The following DDR2 variants were observed in gnomAD, a reference collection of about 807,000 sequenced individuals.
DDR2 encodes discoidin domain-containing receptor 2.
DDR2 carries 27 observed loss-of-function variants against 94.9 expected under a neutral mutation model. That is an observed-to-expected ratio of 0.28 (90% CI 0.21 to 0.39). The LOEUF is 0.39. Among genes scored for constraint, DDR2 ranks in the 10% least tolerant of loss-of-function variants. DDR2 has a pLI of 1.00. For missense variants in DDR2, 783 were observed against 1,076.0 expected (o/e 0.73, Z 3.81); for synonymous variants, 382 against 377.2 (o/e 1.01, Z -0.15).
chr1:162,735,335 AT>A (rs1171958184), intron 3 of DDR2, among the ~76,000 whole-genome samples: 2 of 152,162 alleles, frequency 1.3e-5, no homozygotes, highest in Non-Finnish European at 2.9e-5. Flanking sequence ...GTAACAAGTT[AT>A]TTACATGAAA....
In DDR2 at chr1:162,787,243, C is replaced by T. The variant is rs1233232159; in HGVS notation, c.*6997C>T. 1 of 151,798 alleles carries T rather than the reference C, an allele frequency of 6.6e-6. No individual in the cohort carries two copies. Among genetic ancestry groups the T allele is most frequent in the African/African-American group, 2.4e-5 (1 of 41,270 alleles). 9.4% of individuals were successfully genotyped at this position (151,798 alleles called of 1,614,324 possible). A position where few individuals can be genotyped will look rare whatever the true frequency, so the allele number is the denominator to read the frequency against. On this transcript the variant is annotated 3_prime_UTR_variant, in exon 18 of 18. Coordinates refer to ENST00000367921, the MANE Select transcript of DDR2 (RefSeq NM_006182.4). ...ATTGTTCTTCTGATTTCCAGGAGAA[C>T]AGAATGAGCCCATGCAAAACATAAA...
rs1647907113 is a variant in DDR2, at chr1:162,781,546, G to T, written c.*1300G>T. On this transcript the variant is annotated 3_prime_UTR_variant, in exon 18 of 18. Coordinates refer to ENST00000367921, the MANE Select transcript of DDR2 (RefSeq NM_006182.4). ...TCAAACACAAAGTGGATGGTGGTAT[G>T]AGACAATGTTTAATGTCCTTCTAAC... is the stretch of plus-strand genomic sequence containing the variant. 1 of 152,266 alleles carries T rather than the reference G, an allele frequency of 6.6e-6. No homozygotes were observed. The allele number at this position is 152,266 out of a possible 1,614,324, so 9.4% of individuals were successfully genotyped here.
At chr1:162,653,364 G>A (rs1293660936) in intron 1 of DDR2, among the ~76,000 whole-genome samples, 1 of 151,952 alleles carries the variant, frequency 6.6e-6, no homozygotes, top group African/African-American at 2.4e-5. Context: ...ATTGCCTGAG[G>A]TCAGGAGTTT....
At position 162,754,790 on chromosome 1, in the gene DDR2, T is replaced by C. The variant is rs894372962; in HGVS notation, c.352T>C (p.Tyr118His). ...TCATGGCATCGAGTTTGCCCCCATG[T>C]ACAAGATCAATTACAGTCGGGATGG... ...GGHGIEFAPM[Y>H]KINYSRDGTR... The change falls in exon 5 of 18, where the codon TAC (tyrosine) becomes CAC (histidine). Residue 118 changes from tyrosine to histidine, a missense_variant. Physicochemically the swap from Tyr to His is moderately conservative, Grantham distance 83. Around this residue, in one of 2 missense-constraint regions of DDR2, gnomAD observed 519 missense variants for 647.9 expected, o/e 0.80. Coordinates refer to ENST00000367921, the MANE Select transcript of DDR2 (RefSeq NM_006182.4). 7 of 1,614,134 alleles carry C rather than the reference T, an allele frequency of 4.3e-6. No homozygotes were observed. The highest frequency in any genetic ancestry group is 5.9e-6 in the Non-Finnish European group (7 of 1,180,006).
Position 162,702,318 on chromosome 1 carries a change from T to A in DDR2, c.-27-16719T>A, listed in dbSNP as rs80198122. On this transcript the variant is annotated intron_variant, in intron 2 of 17. Coordinates refer to ENST00000367921, the MANE Select transcript of DDR2 (RefSeq NM_006182.4). Reference sequence around the variant, plus strand: ...TCTCCCATCAGCTGGAGAAAAGGTATCTTTTACCTTCTCCTCCATCTTATA... The same window carrying A: ...TCTCCCATCAGCTGGAGAAAAGGTAACTTTTACCTTCTCCTCCATCTTATA... Among the ~76,000 whole-genome samples the A allele has an allele frequency of 1.6e-3, 249 of 152,278 alleles. 5 individuals carry two copies. In the East Asian group the frequency reaches 0.035, roughly 22 times the overall value.
chr1:162,669,955 A>G (rs1359234803), intron 2 of DDR2, among the ~76,000 whole-genome samples: 1 of 152,224 alleles, frequency 6.6e-6, no homozygotes, highest in East Asian at 1.9e-4. Context: ...ATGAACAGAG[A>G]AATTGGGAAC....
At chr1:162,776,029 A>T in intron 15 of DDR2, 107 bp from the exon 16 acceptor site, 1 of 1,319,074 alleles carries the variant, frequency 7.6e-7, no homozygotes, top group Non-Finnish European at 1.1e-6. Flanking sequence ...GTAGAGAAAG[A>T]ATGTTGAGCT....
chr1:162,636,939 G>A (rs1208846918), intron 1 of DDR2, among the ~76,000 whole-genome samples: 3 of 152,126 alleles, frequency 2.0e-5, no homozygotes, highest in South Asian at 2.1e-4. Context: ...GAACTCTCAT[G>A]TCTAAGATAG....
At chr1:162,670,643 G>GT (rs1355503553) in intron 2 of DDR2, among the ~76,000 whole-genome samples, 1 of 138,330 alleles carries the variant, frequency 7.2e-6, no homozygotes, top group South Asian at 2.6e-4. Context: ...GTTTCCTCCT[G>GT]GGCATTAATA....
chr1:162,719,865 A>G (rs1406479373), intron 3 of DDR2, among the ~76,000 whole-genome samples: 1 of 152,016 alleles, frequency 6.6e-6, no homozygotes, highest in Non-Finnish European at 1.5e-5. Context: ...TCAGCTGGCT[A>G]TTGGCTCATC....
chr1:162,673,816 C>T (rs1008707414), intron 2 of DDR2, among the ~76,000 whole-genome samples: 14 of 152,068 alleles, frequency 9.2e-5, no homozygotes, highest in African/African-American at 2.4e-4. Flanking sequence ...CCATTTCAGC[C>T]GACACATTTT....
At chr1:162,778,763 T>C (rs2102207591) in intron 17 of DDR2, 34 bp downstream of exon 17, 1 of 1,613,312 alleles carries the variant, frequency 6.2e-7, no homozygotes, top group African/African-American at 1.3e-5. Flanking sequence ...GATGTGGACC[T>C]GTGTACCTTG....
At chr1:162,759,096 C>T (rs1663596178) in intron 7 of DDR2, among the ~76,000 whole-genome samples, 1 of 152,156 alleles carries the variant, frequency 6.6e-6, no homozygotes, top group Non-Finnish European at 1.5e-5. Flanking sequence ...AAATCCAATA[C>T]CTGGGATTCT....
intron 1 of DDR2, among the ~76,000 whole-genome samples, chr1:162,632,894 A>G (rs1466738321): frequency 6.6e-6 from 1 of 152,218 alleles, no homozygotes; most frequent in Admixed American, 6.5e-5. Context: ...AAATGAATCT[A>G]TAGCAGCTGC....
intron 2 of DDR2, among the ~76,000 whole-genome samples, chr1:162,663,794 C>T (rs918797587): frequency 3.9e-5 from 6 of 152,104 alleles, no homozygotes; most frequent in South Asian, 4.2e-4. Context: ...CATGTGGCTT[C>T]GGAACAAAAG....
intron 1 of DDR2, among the ~76,000 whole-genome samples, chr1:162,644,354 T>G (rs893987003): frequency 3.9e-5 from 6 of 152,192 alleles, no homozygotes; most frequent in Non-Finnish European, 7.3e-5. Flanking sequence ...GTTCCTAAAT[T>G]TACTCAGCTA....
At chr1:162,699,017 A>G (rs1660312427) in intron 2 of DDR2, among the ~76,000 whole-genome samples, 1 of 152,206 alleles carries the variant, frequency 6.6e-6, no homozygotes, top group Non-Finnish European at 1.5e-5. Flanking sequence ...CTATACTATA[A>G]GGATATTCTC....
chr1:162,740,660 GC>G (rs548898425), intron 3 of DDR2, among the ~76,000 whole-genome samples: 238 of 152,152 alleles, frequency 1.6e-3, no homozygotes, highest in African/African-American at 5.4e-3. Context: ...ATATTTATTT[GC>G]TTTATTGGCT....
At chr1:162,745,819 A>C (rs942868446) in intron 3 of DDR2, among the ~76,000 whole-genome samples, 2 of 152,166 alleles carry the variant, frequency 1.3e-5, no homozygotes, top group African/African-American at 4.8e-5. Context: ...GTTCCATATA[A>C]ATTTTAGGGT....
Sources: gnomAD v4.1 joint callset for allele counts (sites outside exome capture counted in the v4.1 genomes callset) on GRCh38, gnomAD v4.1.1 for gene constraint, gnomAD v4.1.1 regional missense constraint, MANE v1.5 for transcripts, NCBI Gene and HGNC (gene_info 2026-07-23, HGNC 2026-07-21) for gene names.